TRIM33: variants seen among roughly 807,000 people sequenced by gnomAD.
TRIM33 encodes the protein tripartite motif containing 33.
In TRIM33, 20 loss-of-function variants were observed where a neutral mutation model predicts 125.4. That is an observed-to-expected ratio of 0.16 (90% CI 0.11 to 0.23). TRIM33 has a LOEUF of 0.23. Among genes scored for constraint, TRIM33 ranks in the 10% least tolerant of loss-of-function variants. TRIM33 has a pLI of 1.00. For missense variants in TRIM33, 920 were observed against 1,411.4 expected, an observed-to-expected ratio of 0.65 and a Z score of 5.58; for synonymous variants, 564 against 513.9, an observed-to-expected ratio of 1.10 and a Z score of -1.32.
rs1650096633 is a variant in TRIM33, at chr1:114,463,237, CTG to C, written c.791-3_791-2del. 2 of 1,584,794 alleles carry C rather than the reference CTG, an allele frequency of 1.3e-6. No individual in the cohort carries two copies. The highest frequency in any genetic ancestry group is 2.4e-5 in the South Asian group (2 of 85,106). On this transcript the variant is annotated splice_acceptor_variant and splice_polypyrimidine_tract_variant and intron_variant, in intron 3 of 19. Coordinates refer to ENST00000358465, the MANE Select transcript of TRIM33 (RefSeq NM_015906.4). LOFTEE classifies it high-confidence loss of function. ...CGTTGACCAGATGCTCCAACAGACT[CTG>C]TAGCAAAATAAAACAAATATTTTTT...
intron 1 of TRIM33, among the ~76,000 whole-genome samples, chr1:114,482,651 G>C (rs1026817202): frequency 5.3e-5 from 8 of 152,220 alleles, no homozygotes; most frequent in South Asian, 2.1e-4. Flanking sequence ...AATCTCCAAT[G>C]TTGGAGGAGG....
At chr1:114,465,662 A>T (rs969658104) in intron 1 of TRIM33, among the ~76,000 whole-genome samples, 12 of 152,188 alleles carry the variant, frequency 7.9e-5, no homozygotes, top group Admixed American at 3.3e-4. Flanking sequence ...AATTAAAATT[A>T]AAAAATAACT....
At chr1:114,458,951 T>G (rs1649786035) in intron 4 of TRIM33, among the ~76,000 whole-genome samples, 1 of 152,198 alleles carries the variant, frequency 6.6e-6, no homozygotes. Flanking sequence ...AGCTGGCTTT[T>G]AAGTCCAATG....
At chr1:114,463,919 C>T (rs1269729644) in intron 2 of TRIM33, among the ~76,000 whole-genome samples, 1 of 151,982 alleles carries the variant, frequency 6.6e-6, no homozygotes, top group African/African-American at 2.4e-5. Flanking sequence ...AAGGCGCATG[C>T]CACCACGCCC....
At chr1:114,399,705 T>G (rs1000934112) in intron 17 of TRIM33, 96 bp from the exon 18 acceptor site, 9 of 1,088,448 alleles carry the variant, frequency 8.3e-6, no homozygotes, top group Non-Finnish European at 1.1e-5. Context: ...GGAAAAAAAT[T>G]ATTATAGAGC....
chr1:114,475,913 T>C (rs984377077), intron 1 of TRIM33, among the ~76,000 whole-genome samples: 11 of 151,770 alleles, frequency 7.2e-5, no homozygotes, highest in African/African-American at 1.7e-4. Context: ...TGAGGCAGGA[T>C]TGCTTGAGCC....
At chr1:114,503,310 A>G (rs899492222) in intron 1 of TRIM33, among the ~76,000 whole-genome samples, 1 of 152,010 alleles carries the variant, frequency 6.6e-6, no homozygotes, top group Non-Finnish European at 1.5e-5. Flanking sequence ...GCAAAACCCC[A>G]TCTCTACTAA....
At chr1:114,483,726 T>C (rs1471683851) in intron 1 of TRIM33, among the ~76,000 whole-genome samples, 8 of 152,134 alleles carry the variant, frequency 5.3e-5, no homozygotes, top group Admixed American at 3.9e-4. Context: ...TTGGTTTTAA[T>C]GGTGAATTCT....
intron 1 of TRIM33, among the ~76,000 whole-genome samples, chr1:114,492,842 G>A (rs142495490): frequency 0.013 from 1,995 of 152,168 alleles, 22 homozygotes; most frequent in South Asian, 0.037. Flanking sequence ...TCCACCTTTT[G>A]GCTACTGTGA....
intron 4 of TRIM33, among the ~76,000 whole-genome samples, chr1:114,456,943 T>G (rs1269849807): frequency 6.6e-6 from 1 of 152,078 alleles, no homozygotes; most frequent in Admixed American, 6.5e-5. Context: ...AAAAAATCCT[T>G]AGAAATAACC....
Position 114,393,852 on chromosome 1 carries a change from C to T in TRIM33, c.*3796G>A, listed in dbSNP as rs558109181. ...ATATAGTGTCATTACTTCCAGCATA[C>T]ATTTAAATTTCTTAATTTTTAAAAG... On this transcript the variant is annotated 3_prime_UTR_variant, in exon 20 of 20. Coordinates refer to ENST00000358465, the MANE Select transcript of TRIM33 (RefSeq NM_015906.4). 22 of 211,044 alleles carry T rather than the reference C, an allele frequency of 1.0e-4. No individual in the cohort carries two copies. Among genetic ancestry groups the T allele is most frequent in the Non-Finnish European group, 1.7e-4 (18 of 103,800 alleles). 13.1% of individuals were successfully genotyped at this position (211,044 alleles called of 1,614,324 possible). A position where few individuals can be genotyped will look rare whatever the true frequency, so the allele number is the denominator to read the frequency against.
intron 4 of TRIM33, among the ~76,000 whole-genome samples, chr1:114,458,297 AGTCACTAGCAAGTG>A (rs1445962538): frequency 6.6e-6 from 1 of 152,170 alleles, no homozygotes; most frequent in Non-Finnish European, 1.5e-5. Flanking sequence ...ATTGCTCAGG[AGTCACTAGCAAGTG>A]GTCACAAGAT....
chr1:114,457,591 T>C (rs1410447227), intron 4 of TRIM33, among the ~76,000 whole-genome samples: 1 of 152,202 alleles, frequency 6.6e-6, no homozygotes, highest in East Asian at 1.9e-4. Context: ...ACCAGGAGAA[T>C]GCAAAGAGGT....
intron 4 of TRIM33, among the ~76,000 whole-genome samples, chr1:114,459,440 T>G (rs1348137907): frequency 2.0e-5 from 3 of 152,162 alleles, no homozygotes; most frequent in Non-Finnish European, 4.4e-5. Context: ...CTTCACCCTA[T>G]GCATCTCTTC....
At chr1:114,399,412 C>A (rs2101078058) in intron 18 of TRIM33, 45 bp downstream of exon 18, 3 of 1,535,626 alleles carry the variant, frequency 2.0e-6, no homozygotes, top group South Asian at 2.6e-5. Flanking sequence ...AGGAAACAAA[C>A]AAAAACTAAC....
chr1:114,468,065 G>T (rs575271764), intron 1 of TRIM33, among the ~76,000 whole-genome samples: 18 of 152,306 alleles, frequency 1.2e-4, no homozygotes, highest in African/African-American at 4.3e-4. Context: ...AAAGAAGCTG[G>T]ATGGAAAAAG....
chr1:114,489,225 T>C (rs1046975266), intron 1 of TRIM33, among the ~76,000 whole-genome samples: 1 of 152,182 alleles, frequency 6.6e-6, no homozygotes, highest in African/African-American at 2.4e-5. Flanking sequence ...GGACAATGGA[T>C]ATCCTTGTGC....
chr1:114,407,577 G>A (rs1416525765), intron 13 of TRIM33, among the ~76,000 whole-genome samples: 1 of 152,148 alleles, frequency 6.6e-6, no homozygotes, highest in Non-Finnish European at 1.5e-5. Context: ...TGTTTCACAG[G>A]AAACATGGAA....
At chr1:114,495,174 C>A (rs1010213191) in intron 1 of TRIM33, among the ~76,000 whole-genome samples, 2 of 152,122 alleles carry the variant, frequency 1.3e-5, no homozygotes, top group African/African-American at 2.4e-5. Context: ...CTCGGCCGCC[C>A]AAAGTGCTGG....
Sources: gnomAD v4.1 joint callset for allele counts (sites outside exome capture counted in the v4.1 genomes callset) on GRCh38, gnomAD v4.1.1 for gene constraint, MANE v1.5 for transcripts, NCBI Gene and HGNC (gene_info 2026-07-23, HGNC 2026-07-21) for gene names.